The following ZNF407 variants were observed in gnomAD, a reference collection of about 807,000 sequenced individuals.
The protein encoded by ZNF407 is zinc finger protein 407.
ZNF407 carries 17 observed loss-of-function variants against 131.2 expected under a neutral mutation model. The observed-to-expected ratio is 0.13, with a 90% CI of 0.09 to 0.19. The LOEUF (loss-of-function observed/expected upper bound fraction) is 0.19. Ranked by LOEUF, ZNF407 falls within the 10% of genes least tolerant of loss-of-function variation. The probability of loss-of-function intolerance (pLI) is 1.00; values close to 1 mark genes in which losing one functional copy is unlikely to be tolerated. For missense variants in ZNF407, 2,681 were observed against 2,830.6 expected, an observed-to-expected ratio of 0.95 and a Z score of 1.20; for synonymous variants, 1,156 against 1,062.0, an observed-to-expected ratio of 1.09 and a Z score of -1.72.
At chr18:74,926,478 T>C (rs185479705) in intron 8 of ZNF407, among the ~76,000 whole-genome samples, 2 of 152,226 alleles carry the variant, frequency 1.3e-5, no homozygotes, top group East Asian at 3.9e-4. Context: ...TGAAAGAGGG[T>C]TTTTTTCAAA....
intron 4 of ZNF407, among the ~76,000 whole-genome samples, chr18:74,831,262 C>G (rs937280027): frequency 6.6e-6 from 1 of 152,190 alleles, no homozygotes; most frequent in Non-Finnish European, 1.5e-5. Flanking sequence ...CTATGATACA[C>G]TGGTTCCCTT....
At chr18:75,012,702 C>T (rs1972994608) in intron 8 of ZNF407, among the ~76,000 whole-genome samples, 1 of 149,896 alleles carries the variant, frequency 6.7e-6, no homozygotes, top group African/African-American at 2.5e-5. Flanking sequence ...TTTTCCCCAA[C>T]TTTGTTGTAA....
chr18:74,857,242 C>T (rs1970872069), intron 4 of ZNF407, among the ~76,000 whole-genome samples: 1 of 152,170 alleles, frequency 6.6e-6, no homozygotes, highest in African/African-American at 2.4e-5. Context: ...TTTCAGATGG[C>T]TAACACAGCA....
At chr18:74,608,803 GA>G (rs1982925195) in intron 1 of ZNF407, among the ~76,000 whole-genome samples, 1 of 152,202 alleles carries the variant, frequency 6.6e-6, no homozygotes, top group South Asian at 2.1e-4. Context: ...GCACAGGGGT[GA>G]AATCATGTCC....
At chr18:74,604,806 C>T (rs1047789140) in intron 1 of ZNF407, among the ~76,000 whole-genome samples, 1 of 152,164 alleles carries the variant, frequency 6.6e-6, no homozygotes, top group African/African-American at 2.4e-5. Context: ...GAGGTATATA[C>T]TACATTTTAT....
At chr18:74,743,911 T>G (rs1968608619) in intron 3 of ZNF407, among the ~76,000 whole-genome samples, 3 of 152,184 alleles carry the variant, frequency 2.0e-5, no homozygotes, top group Non-Finnish European at 4.4e-5. Flanking sequence ...TTAGAAAAGC[T>G]TTTATTAAAT....
In ZNF407 at chr18:74,635,618, A is replaced by G; in HGVS notation, c.4599A>G (p.Glu1533=). Residue 1533 remains glutamate, a synonymous_variant, in exon 2 of 9, where the codon GAA becomes GAG. Coordinates refer to ENST00000299687, the MANE Select transcript of ZNF407 (RefSeq NM_017757.3). The surrounding 1 kb of genome is among the most constrained non-coding windows in gnomAD (Gnocchi z 4.7). Reference sequence around the variant, plus strand: ...AGCAAATCAACCGCGAGAGGGAGGAAAACCAGGGAAACGTCTGCAAGTATT... The same window carrying G: ...AGCAAATCAACCGCGAGAGGGAGGAGAACCAGGGAAACGTCTGCAAGTATT... The part of the protein sequence containing the change: ...DTEQINRERE[E]NQGNVCKYCG... 2 of 1,613,618 alleles carry G rather than the reference A, an allele frequency of 1.2e-6. No homozygotes were observed. Among genetic ancestry groups the G allele is most frequent in the Non-Finnish European group, 1.7e-6 (2 of 1,179,756 alleles).
intron 7 of ZNF407, among the ~76,000 whole-genome samples, chr18:74,915,351 T>C (rs1041536797): frequency 4.4e-4 from 59 of 133,790 alleles, no homozygotes; most frequent in East Asian, 2.3e-3. Context: ...TGTGTGTGTG[T>C]GCATGTGTGT....
chr18:74,646,956 A>G (rs1044883932), intron 3 of ZNF407, among the ~76,000 whole-genome samples: 2 of 152,192 alleles, frequency 1.3e-5, no homozygotes, highest in Non-Finnish European at 2.9e-5. Context: ...GATGTATTCC[A>G]TGGCCAGTAA....
At chr18:74,767,798 C>T (rs377470863) in intron 3 of ZNF407, among the ~76,000 whole-genome samples, 6 of 148,878 alleles carry the variant, frequency 4.0e-5, no homozygotes, top group Middle Eastern at 3.4e-3. Context: ...GGACTAGAGG[C>T]GCCTGCCACC....
chr18:74,660,325 A>G lies in ZNF407; in HGVS notation c.4802+19203A>G, dbSNP rs60849007. ...GCTTTTCTTGGTTAAAATGACTGCA[A>G]TCTTTACTGAATCCTAAAACTGCCT... On this transcript the variant is annotated intron_variant, in intron 3 of 8. Transcript: ENST00000299687. Among the ~76,000 whole-genome samples, 228 of 152,212 alleles carry G rather than the reference A, an allele frequency of 1.5e-3. 3 individuals are homozygous for G. The East Asian group carries it at 0.037, about 25-fold the overall frequency.
chr18:74,859,495 G>T (rs907963889), intron 4 of ZNF407, among the ~76,000 whole-genome samples: 6 of 152,178 alleles, frequency 3.9e-5, no homozygotes, highest in African/African-American at 1.4e-4. Context: ...GTAATGTTCA[G>T]ACCTGTGTTT....
At chr18:74,875,171 G>A (rs1196316173) in intron 4 of ZNF407, among the ~76,000 whole-genome samples, 1 of 152,194 alleles carries the variant, frequency 6.6e-6, no homozygotes, top group East Asian at 1.9e-4. Context: ...TATAAGGACA[G>A]TTTACATAGG....
rs955771754 is a variant in ZNF407 at position 74,783,571 on chromosome 18, C to G, written c.4877+2069C>G. ...TTTACTGTTTTTTTTTTTCATTTACCCTTTTCGTTACATTCTAGGATACTT... is the reference window on the plus strand; with the variant it reads ...TTTACTGTTTTTTTTTTTCATTTACGCTTTTCGTTACATTCTAGGATACTT... On this transcript the variant is annotated intron_variant, in intron 4 of 8. Coordinates refer to ENST00000299687, the MANE Select transcript of ZNF407 (RefSeq NM_017757.3). 4.6e-5 allele frequency among the ~76,000 whole-genome samples: 7 copies of G among 151,110 alleles called. 1 individual carries two copies. Among genetic ancestry groups the G allele is most frequent in the African/African-American group, 1.7e-4 (7 of 41,096 alleles).
chr18:74,626,485 CTG>C (rs1010958587), intron 1 of ZNF407, among the ~76,000 whole-genome samples: 1 of 152,122 alleles, frequency 6.6e-6, no homozygotes, highest in African/African-American at 2.4e-5. Context: ...ATTGAGGTCA[CTG>C]GTGTGTATGT....
At chr18:74,643,819 T>C (rs1348261037) in intron 3 of ZNF407, among the ~76,000 whole-genome samples, 1 of 152,006 alleles carries the variant, frequency 6.6e-6, no homozygotes, top group Non-Finnish European at 1.5e-5. Context: ...TGACAAAAAC[T>C]GCCTTTTAAA....
intron 4 of ZNF407, among the ~76,000 whole-genome samples, chr18:74,785,338 G>A (rs1969682281): frequency 6.6e-6 from 1 of 152,146 alleles, no homozygotes; most frequent in African/African-American, 2.4e-5. Context: ...GATTTCCTCT[G>A]GGGTCCTCCA....
At chr18:74,638,967 T>C (rs565297321) in intron 2 of ZNF407, among the ~76,000 whole-genome samples, 1 of 152,282 alleles carries the variant, frequency 6.6e-6, no homozygotes, top group South Asian at 2.1e-4. Flanking sequence ...ATTTGAATTT[T>C]TATGGCACAG....
chr18:74,691,897 C>G (rs471183), intron 3 of ZNF407, among the ~76,000 whole-genome samples: 105,222 of 151,938 alleles, frequency 0.69, 37,297 homozygotes, highest in East Asian at 0.85. Flanking sequence ...AGTTATAGAC[C>G]AGCCTGGCCA....
Sources: gnomAD v4.1 joint callset for allele counts (sites outside exome capture counted in the v4.1 genomes callset) on GRCh38, gnomAD v4.1.1 for gene constraint, Gnocchi (gnomAD v3.1) non-coding constraint, MANE v1.5 for transcripts, NCBI Gene and HGNC (gene_info 2026-07-23, HGNC 2026-07-21) for gene names.